Variants in HS2ST1 observed in about 807,000 individuals in gnomAD.
HS2ST1 encodes the protein 2-O-sulfotransferase.
A neutral mutation model predicts 42.9 loss-of-function variants in HS2ST1; 18 were observed. The observed-to-expected ratio is 0.42, with a 90% CI of 0.29 to 0.62. HS2ST1 has a LOEUF of 0.62. Among genes scored for constraint, HS2ST1 ranks in the 20% least tolerant of loss-of-function variants. The probability of loss-of-function intolerance (pLI) is 0.21; values close to 1 mark genes in which losing one functional copy is unlikely to be tolerated. For synonymous variants in HS2ST1, 146 were observed against 152.9 expected, an observed-to-expected ratio of 0.95 and a Z score of 0.33; for missense variants, 334 against 433.8, an observed-to-expected ratio of 0.77 and a Z score of 2.04.
intron 1 of HS2ST1, among the ~76,000 whole-genome samples, chr1:86,924,763 C>T (rs776702875): frequency 2.0e-5 from 3 of 152,116 alleles, no homozygotes; most frequent in South Asian, 2.1e-4. Flanking sequence ...GCCTGGCCCA[C>T]GAAACCATTT....
At chr1:86,994,089 A>G (rs1056184884) in intron 1 of HS2ST1, among the ~76,000 whole-genome samples, 3 of 152,222 alleles carry the variant, frequency 2.0e-5, no homozygotes, top group Non-Finnish European at 4.4e-5. Flanking sequence ...TCTAAGAAGT[A>G]TGTTAAAAAA....
chr1:86,968,529 C>G (rs150690888), intron 1 of HS2ST1, among the ~76,000 whole-genome samples: 1 of 151,882 alleles, frequency 6.6e-6, no homozygotes. Flanking sequence ...CTCAGCCTCC[C>G]GAGTAGCTGG....
intron 1 of HS2ST1, among the ~76,000 whole-genome samples, chr1:86,987,016 T>A (rs958489337): frequency 6.6e-6 from 1 of 151,932 alleles, no homozygotes; most frequent in African/African-American, 2.4e-5. Context: ...CCTCCCTGAT[T>A]TCAGAGCTAC....
chr1:86,919,087 G>A lies in HS2ST1; in HGVS notation c.124+3927G>A, dbSNP rs887505688. 2.6e-5 allele frequency among the ~76,000 whole-genome samples: 4 copies of A among 151,836 alleles called. No homozygotes were observed. In the South Asian group the frequency reaches 6.2e-4, roughly 24 times the overall value. ...AGCCTCCCAAGTAGCGGGGATTGCAGGTACGTGCCACCACGCCCAGGTAAT... is the reference window on the plus strand; with the variant it reads ...AGCCTCCCAAGTAGCGGGGATTGCAAGTACGTGCCACCACGCCCAGGTAAT... On this transcript the variant is annotated intron_variant, in intron 1 of 6. Coordinates refer to ENST00000370550, the MANE Select transcript of HS2ST1 (RefSeq NM_012262.4).
At chr1:86,915,540 G>A (rs1010775431) in intron 1 of HS2ST1, among the ~76,000 whole-genome samples, 2 of 152,210 alleles carry the variant, frequency 1.3e-5, no homozygotes, top group Non-Finnish European at 2.9e-5. Flanking sequence ...CGTACAGGAA[G>A]CCCTGGCAAT....
intron 1 of HS2ST1, among the ~76,000 whole-genome samples, chr1:86,961,990 C>G (rs1265478360): frequency 1.3e-5 from 2 of 151,708 alleles, no homozygotes; most frequent in Admixed American, 1.3e-4. Context: ...AACTGTTCAC[C>G]CACTTATCAC....
intron 1 of HS2ST1, among the ~76,000 whole-genome samples, chr1:87,063,938 T>G (rs1042354193): frequency 1.3e-5 from 2 of 152,204 alleles, no homozygotes; most frequent in African/African-American, 4.8e-5. Flanking sequence ...GTTTCCTTGC[T>G]TGGACTCCAC....
intron 1 of HS2ST1, among the ~76,000 whole-genome samples, chr1:86,936,070 A>G (rs111773691): frequency 0.014 from 2,146 of 148,080 alleles, 58 homozygotes; most frequent in African/African-American, 0.052. Flanking sequence ...TATTATTGCA[A>G]TGGCTTTCTA....
intron 1 of HS2ST1, among the ~76,000 whole-genome samples, chr1:87,028,000 G>GT (rs1172855778): frequency 6.6e-6 from 1 of 152,174 alleles, no homozygotes; most frequent in African/African-American, 2.4e-5. Context: ...GGGACATAGA[G>GT]TTTTAAAATG....
chr1:86,931,997 C>G (rs1161400642), intron 1 of HS2ST1, among the ~76,000 whole-genome samples: 1 of 152,018 alleles, frequency 6.6e-6, no homozygotes, highest in Non-Finnish European at 1.5e-5. Flanking sequence ...TGGTCTTGAA[C>G]TCCTGCCCTT....
intron 1 of HS2ST1, among the ~76,000 whole-genome samples, chr1:86,995,023 CAAAAAT>C (rs1157798453): frequency 6.6e-6 from 1 of 151,978 alleles, no homozygotes; most frequent in Non-Finnish European, 1.5e-5. Context: ...CTGTATGTGT[CAAAAAT>C]AAAAAGTTGG....
At chr1:86,974,390 T>C (rs1442231162) in intron 1 of HS2ST1, among the ~76,000 whole-genome samples, 3 of 152,228 alleles carry the variant, frequency 2.0e-5, no homozygotes, top group African/African-American at 7.2e-5. Flanking sequence ...GTGCACCTCC[T>C]CTACCTTGCC....
intron 1 of HS2ST1, among the ~76,000 whole-genome samples, chr1:86,926,663 T>C (rs1660428715): frequency 6.6e-6 from 1 of 152,214 alleles, no homozygotes; most frequent in Non-Finnish European, 1.5e-5. Flanking sequence ...GAATCTTTGA[T>C]TGTGTGTCCC....
chr1:87,088,717 A>G (rs1231374197), intron 3 of HS2ST1, among the ~76,000 whole-genome samples: 1 of 152,096 alleles, frequency 6.6e-6, no homozygotes, highest in Non-Finnish European at 1.5e-5. Flanking sequence ...AGCATTTGAA[A>G]TTGTTAGACT....
At chr1:86,981,242 A>T (rs549555936) in intron 1 of HS2ST1, among the ~76,000 whole-genome samples, 1 of 152,160 alleles carries the variant, frequency 6.6e-6, no homozygotes, top group Non-Finnish European at 1.5e-5. Context: ...CTCCCTCAAT[A>T]CATGGGAATT....
At chr1:86,985,547 TATATATAC>T (rs1648756815) in intron 1 of HS2ST1, among the ~76,000 whole-genome samples, 2 of 37,816 alleles carry the variant, frequency 5.3e-5, no homozygotes, top group Non-Finnish European at 1.2e-4. Context: ...TATACACACA[TATATATAC>T]ACACACACAC....
At position 86,992,423 on chromosome 1, in the gene HS2ST1, A is replaced by G. The variant is rs1346937757; in HGVS notation, c.124+77263A>G. Among the ~76,000 whole-genome samples the G allele has an allele frequency of 1.1e-4, 17 of 151,522 alleles. 1 individual carries two copies. Among genetic ancestry groups the G allele is most frequent in the Admixed American group, 9.9e-4 (15 of 15,214 alleles). ...TCTTGCTGCCCAGGCCTGGAGTGCA[A>G]TGGCATGATCTCGGCTCACCGCAGC... On this transcript the variant is annotated intron_variant, in intron 1 of 6. Coordinates refer to ENST00000370550, the MANE Select transcript of HS2ST1 (RefSeq NM_012262.4).
intron 1 of HS2ST1, among the ~76,000 whole-genome samples, chr1:87,030,728 T>C (rs1044982384): frequency 3.3e-5 from 5 of 152,202 alleles, no homozygotes; most frequent in African/African-American, 1.2e-4. Context: ...TCTTTCTACT[T>C]TGTCTCTTAC....
intron 1 of HS2ST1, among the ~76,000 whole-genome samples, chr1:87,070,231 G>C (rs1341486510): frequency 6.6e-6 from 1 of 152,120 alleles, no homozygotes; most frequent in East Asian, 1.9e-4. Context: ...AGGGTGTTTG[G>C]ACGTAACATT....
Sources: allele counts gnomAD v4.1 joint callset (sites outside exome capture counted in the v4.1 genomes callset), GRCh38; gene constraint gnomAD v4.1.1; transcripts MANE v1.5; gene names NCBI Gene and HGNC (gene_info 2026-07-23, HGNC 2026-07-21).